ACTR8: variants seen among roughly 807,000 people sequenced by gnomAD.
The protein encoded by ACTR8 is actin related protein 8.
A neutral mutation model predicts 84.3 loss-of-function variants in ACTR8; 70 were observed. The ratio of observed to expected loss-of-function variants is 0.83; its 90% CI spans 0.68 to 1.01. The LOEUF is 1.01. Ranked by LOEUF, ACTR8 falls within the 50% of genes least tolerant of loss-of-function variation. The probability of loss-of-function intolerance (pLI) is 0.00; values close to 1 mark genes in which losing one functional copy is unlikely to be tolerated. For synonymous variants in ACTR8, 268 were observed against 275.2 expected, an observed-to-expected ratio of 0.97 and a Z score of 0.26; for missense variants, 672 against 775.4, an observed-to-expected ratio of 0.87 and a Z score of 1.58.
intron 3 of ACTR8, among the ~76,000 whole-genome samples, chr3:53,878,151 T>A (rs755672617): frequency 2.6e-5 from 4 of 152,206 alleles, no homozygotes; most frequent in Non-Finnish European, 5.9e-5. Context: ...TTCCATCAAC[T>A]TGCCTACCAC....
In ACTR8 at chr3:53,877,291, C is replaced by T; in HGVS notation, c.607G>A (p.Ala203Thr). Residue 203 changes from alanine to threonine, a missense_variant, in exon 5 of 13, where the codon GCT (alanine) becomes ACT (threonine). By Grantham distance (58) the Ala-to-Thr change is moderately conservative. Coordinates refer to ENST00000335754, the MANE Select transcript of ACTR8 (RefSeq NM_022899.5). Reference protein sequence around the residue: ...IHPGPGGSLTAVLADIEVIWS... With the variant: ...IHPGPGGSLTTVLADIEVIWS... ...ATTACTTCAATATCTGCCAGAACAG[C>T]TGTAAGAGAGCCCCCAGGGCCTGGG... 6.2e-7 allele frequency: 1 copy of T among 1,614,134 alleles called. No individual in the cohort carries two copies. Among genetic ancestry groups the T allele is most frequent in the Non-Finnish European group, 8.5e-7 (1 of 1,180,000 alleles).
intron 10 of ACTR8, 116 bp downstream of exon 10, chr3:53,872,268 C>A: frequency 1.7e-6 from 2 of 1,154,858 alleles, no homozygotes; most frequent in Non-Finnish European, 1.2e-6. Context: ...ATTCTAAAAG[C>A]TATATCAGTG....
rs1295227819 is a variant in ACTR8 at position 53,868,083 on chromosome 3, G to C, written c.*636C>G. On this transcript the variant is annotated 3_prime_UTR_variant, in exon 13 of 13. Coordinates refer to ENST00000335754, the MANE Select transcript of ACTR8 (RefSeq NM_022899.5). Reference sequence around the variant, plus strand: ...TTTCTTCCTCTAAGCTCACCCTACGGCATGTCAGGTAACAAAAGCCAGTCT... The same window carrying C: ...TTTCTTCCTCTAAGCTCACCCTACGCCATGTCAGGTAACAAAAGCCAGTCT... 1.3e-5 allele frequency: 2 copies of C among 151,880 alleles called. No homozygotes were observed. The highest frequency in any genetic ancestry group is 2.9e-5 in the Non-Finnish European group (2 of 67,998). The allele number at this position is 151,880 out of a possible 1,614,324, so 9.4% of individuals were successfully genotyped here. A position where few individuals can be genotyped will look rare whatever the true frequency, so the allele number is the denominator to read the frequency against.
At chr3:53,876,898 T>TC in intron 5 of ACTR8, among the ~76,000 whole-genome samples, 185 bp from the exon 6 acceptor site, 1 of 151,444 alleles carries the variant, frequency 6.6e-6, no homozygotes, top group Non-Finnish European at 1.5e-5. Flanking sequence ...AAGTGTTTTT[T>TC]TTTCCTTGAA....
chr3:53,878,404 T>G lies in ACTR8; in HGVS notation c.358A>C (p.Lys120Gln). 6.2e-7 allele frequency: 1 copy of G among 1,613,644 alleles called. No individual in the cohort carries two copies. The highest frequency in any genetic ancestry group is 8.5e-7 in the Non-Finnish European group (1 of 1,179,882). Residue 120 changes from lysine to glutamine, a missense_variant, in exon 3 of 13, where the codon AAA (lysine) becomes CAA (glutamine). Transcript: ENST00000335754. Reference protein sequence around the residue: ...LKMVDQAIWSKKMSNGTRRIP... With the variant: ...LKMVDQAIWSQKMSNGTRRIP... The stretch of plus-strand genomic sequence containing the variant: ...CGTCTTGTACCATTGGACATCTTTT[T>G]AGACCATATTGCTTGATCCACCATT...
downstream of ACTR8, among the ~76,000 whole-genome samples, chr3:53,866,507 A>C (rs183068459): frequency 6.6e-6 from 1 of 151,390 alleles, no homozygotes; most frequent in South Asian, 2.1e-4. Context: ...TTTGAGACAG[A>C]GTTTCACTCT....
downstream of ACTR8, among the ~76,000 whole-genome samples, chr3:53,862,590 A>G (rs574345481): frequency 2.0e-5 from 3 of 152,336 alleles, no homozygotes; most frequent in East Asian, 5.8e-4. Flanking sequence ...TTCAAGAGCT[A>G]ACAGATAACC....
intron 9 of ACTR8, 131 bp downstream of exon 9, chr3:53,872,901 G>T: frequency 1.4e-6 from 1 of 723,776 alleles, no homozygotes; most frequent in Non-Finnish European, 2.3e-6. Context: ...CTTAAATGTT[G>T]GTTTAGTGGA....
Position 53,876,082 on chromosome 3 carries a change from T to TG in ACTR8, c.779-3dup, listed in dbSNP as rs74580677. 0.1 allele frequency: 161,950 copies of TG among 1,577,218 alleles called. 6,665 individuals are homozygous for TG. Among genetic ancestry groups the TG allele is most frequent in the South Asian group, 0.22 (19,598 of 88,198 alleles). ...CAGACTCCTGATGGACCACAATCCC[T>TG]GGGGGGGGAAAAGAAAAGGCAGAGT... On this transcript the variant is annotated splice_region_variant and splice_polypyrimidine_tract_variant and intron_variant, in intron 6 of 12. Coordinates refer to ENST00000335754, the MANE Select transcript of ACTR8 (RefSeq NM_022899.5).
intron 8 of ACTR8, among the ~76,000 whole-genome samples, chr3:53,873,727 C>T (rs569683085): frequency 2.0e-5 from 3 of 152,182 alleles, no homozygotes; most frequent in African/African-American, 4.8e-5. Context: ...CCTCACTGCT[C>T]GGACTTTAGC....
At chr3:53,864,726 A>G (rs1699717684), downstream of ACTR8, 1 of 1,559,578 alleles carries the variant, frequency 6.4e-7, no homozygotes, top group Non-Finnish European at 8.7e-7. Flanking sequence ...CAGATAACAA[A>G]TGCTTTTCTC....
At position 53,870,313 on chromosome 3, in the gene ACTR8, C is replaced by T; in HGVS notation, c.1568-168G>A. ...GAACCCTACGAAACACAAATGTAGG[C>T]ATGTTGCCACGCCACCGCAATCCTA... On this transcript the variant is annotated intron_variant, in intron 11 of 12. Transcript: ENST00000335754. The surrounding 1 kb of genome is among the most constrained non-coding windows in gnomAD (Gnocchi z 4.1). 2.8e-6 allele frequency: 2 copies of T among 711,730 alleles called. No individual in the cohort carries two copies. The highest frequency in any genetic ancestry group is 1.9e-5 in the South Asian group (1 of 53,268). The allele number at this position is 711,730 out of a possible 1,614,324, so 44.1% of individuals were successfully genotyped here. A position where few individuals can be genotyped will look rare whatever the true frequency, so the allele number is the denominator to read the frequency against.
At chr3:53,873,006 C>T in intron 9 of ACTR8, 26 bp downstream of exon 9, 7 of 1,543,562 alleles carry the variant, frequency 4.5e-6, no homozygotes, top group African/African-American at 1.4e-5. Context: ...TCTTTCTACC[C>T]ATGGAAACAG....
chr3:53,868,933 G>A, intron 12 of ACTR8, 71 bp from the exon 13 acceptor site: 1 of 1,541,384 alleles, frequency 6.5e-7, no homozygotes, highest in Non-Finnish European at 8.8e-7. Flanking sequence ...TTGAATATGG[G>A]GCCGAGAAAA....
At position 53,881,712 on chromosome 3, in the gene ACTR8, G is replaced by A; in HGVS notation, c.123+267C>T. 7 of 563,214 alleles carry A rather than the reference G, an allele frequency of 1.2e-5. 1 individual carries two copies. Among genetic ancestry groups the A allele is most frequent in the South Asian group, 1.0e-4 (5 of 50,084 alleles). The allele number at this position is 563,214 out of a possible 1,614,324, so 34.9% of individuals were successfully genotyped here. A position where few individuals can be genotyped will look rare whatever the true frequency, so the allele number is the denominator to read the frequency against. ...GAAGCTGAGGCCAGAGCCCGGGCAGGAGCGCACACAACCAGACGGTGGGGC... is the reference window on the plus strand; with the variant it reads ...GAAGCTGAGGCCAGAGCCCGGGCAGAAGCGCACACAACCAGACGGTGGGGC... On this transcript the variant is annotated intron_variant, in intron 1 of 12. Transcript: ENST00000335754.
At chr3:53,872,907 G>T in intron 9 of ACTR8, 125 bp downstream of exon 9, 3 of 775,718 alleles carry the variant, frequency 3.9e-6, no homozygotes, top group Non-Finnish European at 6.2e-6. Flanking sequence ...TGTTGGTTTA[G>T]TGGATAATCT....
At chr3:53,869,117 T>TA (rs1699844904) in intron 12 of ACTR8, among the ~76,000 whole-genome samples, 2 of 152,226 alleles carry the variant, frequency 1.3e-5, no homozygotes, top group African/African-American at 4.8e-5. Context: ...CCGCCTCTAC[T>TA]AAAAATACAA....
At chr3:53,874,139 T>C in intron 8 of ACTR8, 72 bp downstream of exon 8, 1 of 1,512,590 alleles carries the variant, frequency 6.6e-7, no homozygotes, top group Non-Finnish European at 8.9e-7. Flanking sequence ...TGTTACATTT[T>C]TAAGTATCTT....
Position 53,870,167 on chromosome 3 carries a change from T to C in ACTR8, c.1568-22A>G. On this transcript the variant is annotated intron_variant, in intron 11 of 12. Coordinates refer to ENST00000335754, the MANE Select transcript of ACTR8 (RefSeq NM_022899.5). The surrounding 1 kb of genome is among the most constrained non-coding windows in gnomAD (Gnocchi z 4.1). ...GATGCTGAAAAGACAGTTGACATCC[T>C]CCATGCTTTTTTCTCCACATCCATA... The C allele has an allele frequency of 6.2e-7, 1 of 1,604,512 alleles. No individual in the cohort carries two copies. The highest frequency in any genetic ancestry group is 8.5e-7 in the Non-Finnish European group (1 of 1,172,396).
Sources: allele counts gnomAD v4.1 joint callset (sites outside exome capture counted in the v4.1 genomes callset), GRCh38; gene constraint gnomAD v4.1.1; non-coding constraint Gnocchi (gnomAD v3.1); transcripts MANE v1.5; gene names NCBI Gene and HGNC (gene_info 2026-07-23, HGNC 2026-07-21).